The following ADGRV1 variants were observed in gnomAD, a reference collection of about 807,000 sequenced individuals.
ADGRV1 encodes adhesion G protein-coupled receptor V1, also known as G-protein coupled receptor 98.
A neutral mutation model predicts 596.2 loss-of-function variants in ADGRV1; 359 were observed. The observed-to-expected ratio is 0.60, with a 90% CI of 0.55 to 0.66. The LOEUF (loss-of-function observed/expected upper bound fraction) is 0.66. Among genes scored for constraint, ADGRV1 ranks in the 30% least tolerant of loss-of-function variants. The pLI is 0.00. For missense variants in ADGRV1, 7,274 were observed against 7,575.6 expected (o/e 0.96, Z 1.48); for synonymous variants, 2,681 against 2,679.2 (o/e 1.00, Z -0.02).
intron 83 of ADGRV1, among the ~76,000 whole-genome samples, chr5:90,964,328 A>G (rs146018920): frequency 6.6e-6 from 1 of 152,290 alleles, no homozygotes; most frequent in East Asian, 1.9e-4. Context: ...TTTGGAATAA[A>G]TCATTCATTC....
At chr5:91,102,065 G>T (rs1309300591) in intron 86 of ADGRV1, among the ~76,000 whole-genome samples, 154 bp from the exon 87 acceptor site, 1 of 152,136 alleles carries the variant, frequency 6.6e-6, no homozygotes, top group Non-Finnish European at 1.5e-5. Flanking sequence ...ACTCAGCAAT[G>T]TGCCTTCTCC....
At chr5:90,607,558 C>T (rs1762255276) in intron 1 of ADGRV1, among the ~76,000 whole-genome samples, 2 of 152,182 alleles carry the variant, frequency 1.3e-5, no homozygotes, top group Non-Finnish European at 2.9e-5. Context: ...CCCCCTTCTA[C>T]TAGGTCCCAG....
intron 85 of ADGRV1, among the ~76,000 whole-genome samples, chr5:91,023,500 G>A (rs754419756): frequency 6.6e-5 from 10 of 152,074 alleles, no homozygotes; most frequent in Non-Finnish European, 1.3e-4. Flanking sequence ...TTTTTCTTTT[G>A]TTTGGTTTTT....
chr5:90,719,221 A>T (rs1265845444), intron 43 of ADGRV1, among the ~76,000 whole-genome samples: 1 of 152,104 alleles, frequency 6.6e-6, no homozygotes, highest in Admixed American at 6.6e-5. Context: ...GGTACTCAGG[A>T]GGCTGAGGCA....
At chr5:91,047,422 T>G (rs1456803779) in intron 85 of ADGRV1, among the ~76,000 whole-genome samples, 1 of 152,088 alleles carries the variant, frequency 6.6e-6, no homozygotes. Flanking sequence ...ACGAAGCCAG[T>G]CCAAGTCCCA....
intron 83 of ADGRV1, among the ~76,000 whole-genome samples, chr5:90,909,875 C>CA (rs1257450292): frequency 2.6e-5 from 4 of 151,620 alleles, no homozygotes; most frequent in South Asian, 2.1e-4. Context: ...ACAGAAGAAA[C>CA]AAAAAAACCA....
intron 85 of ADGRV1, among the ~76,000 whole-genome samples, chr5:91,005,430 G>A (rs1782190316): frequency 6.6e-6 from 1 of 152,032 alleles, no homozygotes; most frequent in African/African-American, 2.4e-5. Flanking sequence ...CTCGCCTCCT[G>A]GATTCAAGCA....
intron 5 of ADGRV1, among the ~76,000 whole-genome samples, chr5:90,623,049 A>G (rs571045299): frequency 6.6e-6 from 1 of 152,298 alleles, no homozygotes; most frequent in South Asian, 2.1e-4. Flanking sequence ...CCCTGAAATC[A>G]CTTTAAATGC....
intron 85 of ADGRV1, among the ~76,000 whole-genome samples, chr5:91,030,525 C>CT (rs1299467961): frequency 1.3e-5 from 2 of 151,702 alleles, no homozygotes; most frequent in African/African-American, 2.4e-5. Flanking sequence ...AATTTTTGGT[C>CT]TAGCCATGTT....
At chr5:90,858,782 T>C (rs1359295936) in intron 82 of ADGRV1, among the ~76,000 whole-genome samples, 1 of 152,224 alleles carries the variant, frequency 6.6e-6, no homozygotes, top group Non-Finnish European at 1.5e-5. Flanking sequence ...GCCCAGGCTC[T>C]TCTCTTTTTA....
At chr5:91,098,360 C>T (rs929369346) in intron 86 of ADGRV1, among the ~76,000 whole-genome samples, 1 of 152,018 alleles carries the variant, frequency 6.6e-6, no homozygotes, top group Non-Finnish European at 1.5e-5. Context: ...GGTGCCTCCT[C>T]AGAGGCAGAT....
At chr5:90,848,533 T>A in intron 78 of ADGRV1, 104 bp from the exon 79 acceptor site, 1 of 488,402 alleles carries the variant, frequency 2.0e-6, no homozygotes, top group East Asian at 3.7e-5. Context: ...TCCTTACTAA[T>A]GTTAATAACT....
chr5:90,909,833 GT>G (rs1267269185), intron 83 of ADGRV1, among the ~76,000 whole-genome samples: 1 of 151,904 alleles, frequency 6.6e-6, no homozygotes, highest in East Asian at 1.9e-4. Context: ...TCTTTAAAAA[GT>G]TTTTTTCTAA....
At chr5:91,147,339 G>C (rs553345650) in intron 87 of ADGRV1, among the ~76,000 whole-genome samples, 2 of 152,294 alleles carry the variant, frequency 1.3e-5, no homozygotes, top group Admixed American at 1.3e-4. Context: ...AAGAATGCTT[G>C]TGGAAAATCA....
At chr5:90,803,452 G>A (rs963072682) in intron 71 of ADGRV1, among the ~76,000 whole-genome samples, 3 of 152,186 alleles carry the variant, frequency 2.0e-5, no homozygotes, top group Non-Finnish European at 2.9e-5. Flanking sequence ...TGTTATCTGT[G>A]GCTATGGTAA....
chr5:90,691,159 A>G (rs1428418609), intron 31 of ADGRV1, 118 bp downstream of exon 31: 1 of 1,279,370 alleles, frequency 7.8e-7, no homozygotes, highest in African/African-American at 1.5e-5. Context: ...TCCTGCAAGA[A>G]TGTTCAAACT....
chr5:91,021,136 G>A (rs183090845), intron 85 of ADGRV1, among the ~76,000 whole-genome samples: 1 of 152,184 alleles, frequency 6.6e-6, no homozygotes, highest in Non-Finnish European at 1.5e-5. Flanking sequence ...GTTATTTAAA[G>A]TCAGTTAACT....
At chr5:90,948,626 C>G (rs184581577) in intron 83 of ADGRV1, among the ~76,000 whole-genome samples, 2 of 152,142 alleles carry the variant, frequency 1.3e-5, no homozygotes, top group African/African-American at 4.8e-5. Context: ...CCCAATAAAC[C>G]TATAAGTTTA....
At chr5:90,591,403 AT>A (rs1270256873) in intron 1 of ADGRV1, among the ~76,000 whole-genome samples, 6 of 151,628 alleles carry the variant, frequency 4.0e-5, no homozygotes, top group Admixed American at 6.6e-5. Flanking sequence ...CTCAAAAAAA[AT>A]ATATATATAT....
Sources: gnomAD v4.1 joint callset for allele counts (sites outside exome capture counted in the v4.1 genomes callset) on GRCh38, gnomAD v4.1.1 for gene constraint, MANE v1.5 for transcripts, NCBI Gene and HGNC (gene_info 2026-07-23, HGNC 2026-07-21) for gene names.